PPP2R2D: variants seen among roughly 807,000 people sequenced by gnomAD.
PPP2R2D encodes protein phosphatase 2 regulatory subunit Bdelta.
In PPP2R2D, 9 loss-of-function variants were observed where a neutral mutation model predicts 31.1. The ratio of observed to expected loss-of-function variants is 0.29; its 90% confidence interval spans 0.17 to 0.51. The LOEUF is 0.51. PPP2R2D is among the 20% of genes least tolerant of loss of function. The pLI is 0.98. For synonymous variants in PPP2R2D, 179 were observed against 172.6 expected (o/e 1.04, Z -0.29); for missense variants, 391 against 465.6 (o/e 0.84, Z 1.48).
At chr10:131,963,941 G>A (rs1012101719), downstream of PPP2R2D, among the ~76,000 whole-genome samples, 4 of 152,218 alleles carry the variant, frequency 2.6e-5, no homozygotes, top group Non-Finnish European at 1.5e-5. Context: ...GGTTTTTCCT[G>A]TCCAGGGCCC....
chr10:131,969,883 G>A, the PPP2R2D span: 1 of 152,390 alleles, frequency 6.6e-6, no homozygotes, highest in Non-Finnish European at 1.5e-5. Context: ...TCTGCAGGGT[G>A]AGTGAGTATA....
At chr10:131,913,881 G>A (rs2119755130) in intron 2 of PPP2R2D, among the ~76,000 whole-genome samples, 1 of 152,308 alleles carries the variant, frequency 6.6e-6, no homozygotes, top group South Asian at 2.1e-4. Context: ...AGAGACTTGA[G>A]CTTATTTTAT....
At chr10:131,946,758 A>T (rs1359230620) in intron 7 of PPP2R2D, among the ~76,000 whole-genome samples, 1 of 151,966 alleles carries the variant, frequency 6.6e-6, no homozygotes, top group Non-Finnish European at 1.5e-5. Context: ...AAGAGAAAAA[A>T]CCTAAAGCAG....
At chr10:131,948,869 A>G (rs1256401935) in intron 8 of PPP2R2D, among the ~76,000 whole-genome samples, 1 of 152,190 alleles carries the variant, frequency 6.6e-6, no homozygotes, top group African/African-American at 2.4e-5. Context: ...GTCTCCCTCC[A>G]CTGGCAGATA....
At chr10:131,966,613 C>G in the PPP2R2D span, 2 of 152,216 alleles carry the variant, frequency 1.3e-5, no homozygotes, top group Admixed American at 1.3e-4. Context: ...GCCGTGTGCA[C>G]TATCCTGGCT....
intron 6 of PPP2R2D, among the ~76,000 whole-genome samples, chr10:131,944,989 T>C (rs181043680): frequency 1.3e-5 from 2 of 152,264 alleles, no homozygotes; most frequent in African/African-American, 4.8e-5. Flanking sequence ...ATTTATATGA[T>C]TAAGTATGTA....
intron 2 of PPP2R2D, among the ~76,000 whole-genome samples, chr10:131,929,526 C>T (rs2036172169): frequency 6.6e-6 from 1 of 152,198 alleles, no homozygotes; most frequent in Admixed American, 6.5e-5. Context: ...TCACTCTTCT[C>T]TCTTCTGAGG....
In PPP2R2D at chr10:131,945,044, G is replaced by T. The variant is rs1554897756; in HGVS notation, c.656-251G>T. On this transcript the variant is annotated intron_variant, in intron 6 of 8. Coordinates refer to ENST00000455566, the MANE Select transcript of PPP2R2D (RefSeq NM_018461.5). The surrounding 1 kb of genome is among the most constrained non-coding windows in gnomAD (Gnocchi z 4.8). ...TTTCTGTATAACATTAATAATAGCA[G>T]CAAGATGAAAGCGGTGTTCGCTTGT... is the stretch of plus-strand genomic sequence containing the variant. Among the ~76,000 whole-genome samples the T allele has an allele frequency of 6.6e-6, 1 of 152,130 alleles. No homozygotes were observed. Among genetic ancestry groups the T allele is most frequent in the Non-Finnish European group, 1.5e-5 (1 of 68,032 alleles).
Position 131,956,104 on chromosome 10 carries a change from C to T in PPP2R2D, c.*141C>T, listed in dbSNP as rs573614627. On this transcript the variant is annotated 3_prime_UTR_variant, in exon 9 of 9. Transcript: ENST00000455566. Reference sequence around the variant, plus strand: ...CTTCACAGACACAGGAGAAAGCCGCCTCCGCTGGAGGCCCGGTGTGGTTCC... The same window carrying T: ...CTTCACAGACACAGGAGAAAGCCGCTTCCGCTGGAGGCCCGGTGTGGTTCC... The T allele has an allele frequency of 2.4e-6, 3 of 1,267,022 alleles. No individual in the cohort carries two copies. The highest frequency in any genetic ancestry group is 6.2e-5 in the East Asian group (2 of 32,488). 78.5% of individuals were successfully genotyped at this position (1,267,022 alleles called of 1,614,324 possible).
At position 131,957,278 on chromosome 10, in the gene PPP2R2D, G is replaced by C. The variant is rs10870292; in HGVS notation, c.*1315G>C. On this transcript the variant is annotated 3_prime_UTR_variant, in exon 9 of 9. Transcript: ENST00000455566. ...GTGGAGATGGAGGTGTGTGCTGATC[G>C]CCCGTCACCCTGTCTAGATGAAGGT... 0.29 allele frequency: 44,221 copies of C among 150,782 alleles called. 6,287 individuals are homozygous for C. Among genetic ancestry groups the C allele is most frequent in the East Asian group, 0.47 (2,292 of 4,878 alleles). The allele number at this position is 150,782 out of a possible 1,614,324, so 9.3% of individuals were successfully genotyped here. A position where few individuals can be genotyped will look rare whatever the true frequency, so the allele number is the denominator to read the frequency against.
At chr10:131,905,230 T>C (rs2119705374) in intron 2 of PPP2R2D, among the ~76,000 whole-genome samples, 1 of 152,250 alleles carries the variant, frequency 6.6e-6, no homozygotes, top group South Asian at 2.1e-4. Context: ...GACCAAGAGT[T>C]AAAATAGTAA....
At chr10:131,970,619 ACACAGTC>A in the PPP2R2D span, 27 of 1,612,602 alleles carry the variant, frequency 1.7e-5, no homozygotes, top group East Asian at 5.6e-4. The surrounding 1 kb of genome is among the most constrained non-coding windows in gnomAD (Gnocchi z 4.1). Flanking sequence ...GACAGGAGTC[ACACAGTC>A]ACATCACCTA....
At chr10:131,907,778 G>A (rs2035621242) in intron 2 of PPP2R2D, among the ~76,000 whole-genome samples, 2 of 151,896 alleles carry the variant, frequency 1.3e-5, no homozygotes, top group African/African-American at 4.8e-5. Context: ...GACTCATCAT[G>A]CTTAGTACAG....
intron 2 of PPP2R2D, among the ~76,000 whole-genome samples, chr10:131,929,962 C>T (rs1475577501): frequency 6.6e-6 from 1 of 152,138 alleles, no homozygotes. Context: ...GGTTTCGAAC[C>T]GTCAGTGCCA....
At chr10:131,953,274 G>T (rs1198046633) in intron 8 of PPP2R2D, among the ~76,000 whole-genome samples, 5 of 118,760 alleles carry the variant, frequency 4.2e-5, no homozygotes, top group Admixed American at 8.9e-5. Flanking sequence ...TCTTAGCAGT[G>T]ACTTGCAGGT....
intron 3 of PPP2R2D, among the ~76,000 whole-genome samples, chr10:131,936,958 G>A (rs1435175062): frequency 6.6e-6 from 1 of 152,236 alleles, no homozygotes; most frequent in Admixed American, 6.5e-5. Flanking sequence ...GGCAGTGCAC[G>A]TGTTCATCCA....
intron 2 of PPP2R2D, among the ~76,000 whole-genome samples, chr10:131,921,463 C>T (rs2035986949): frequency 1.3e-5 from 2 of 152,008 alleles, no homozygotes; most frequent in African/African-American, 4.8e-5. Context: ...AGCTCAGATG[C>T]AAATGAGGGA....
chr10:131,916,329 G>GTT (rs1554893052), intron 2 of PPP2R2D, among the ~76,000 whole-genome samples: 1 of 108,590 alleles, frequency 9.2e-6, no homozygotes, highest in Admixed American at 9.2e-5. Flanking sequence ...CATAGATTGG[G>GTT]ATTTTTTTTT....
intron 4 of PPP2R2D, 140 bp from the exon 5 acceptor site, chr10:131,940,442 T>C (rs541709919): frequency 3.3e-6 from 2 of 604,884 alleles, no homozygotes; most frequent in African/African-American, 3.7e-5. Flanking sequence ...ACACCTCCAA[T>C]TGGAAATATT....
Sources: allele counts gnomAD v4.1 joint callset (sites outside exome capture counted in the v4.1 genomes callset), GRCh38; gene constraint gnomAD v4.1.1; non-coding constraint Gnocchi (gnomAD v3.1); transcripts MANE v1.5; gene names NCBI Gene and HGNC (gene_info 2026-07-23, HGNC 2026-07-21).